Variants in IL6R observed in about 807,000 individuals in gnomAD.
IL6R encodes interleukin 6 receptor.
Under a neutral mutation model 48.3 loss-of-function variants are expected in IL6R, and 38 were observed. The ratio of observed to expected loss-of-function variants is 0.79; its 90% CI spans 0.61 to 1.03. The LOEUF is 1.03. Among genes scored for constraint, IL6R ranks in the 50% least tolerant of loss-of-function variants. IL6R has a pLI of 0.00. For missense variants in IL6R, 534 were observed against 618.3 expected (o/e 0.86, Z 1.45); for synonymous variants, 264 against 256.2 (o/e 1.03, Z -0.29).
At chr1:154,458,593 T>C (rs1256782192) in intron 9 of IL6R, among the ~76,000 whole-genome samples, 1 of 152,028 alleles carries the variant, frequency 6.6e-6, no homozygotes, top group Non-Finnish European at 1.5e-5. Context: ...CTAAAAGAGA[T>C]GGTGCGATAA....
chr1:154,422,114 T>G (rs1396143943), intron 1 of IL6R, among the ~76,000 whole-genome samples: 2 of 151,996 alleles, frequency 1.3e-5, no homozygotes, highest in African/African-American at 2.4e-5. Context: ...GCCCGGCTAA[T>G]TTTGTATTTT....
intron 1 of IL6R, chr1:154,415,158 G>T: frequency 1.2e-6 from 1 of 803,658 alleles, no homozygotes. Context: ...CTGCAGGACA[G>T]GGCCCTAGGT....
At chr1:154,420,008 C>A (rs577738657) in intron 1 of IL6R, among the ~76,000 whole-genome samples, 1 of 151,892 alleles carries the variant, frequency 6.6e-6, no homozygotes, top group Admixed American at 6.6e-5. Flanking sequence ...CCTAGGCCAC[C>A]GGGGCAGGGA....
At chr1:154,448,875 CTTTTTTTTT>C (rs757221328) in intron 7 of IL6R, among the ~76,000 whole-genome samples, 6 of 73,330 alleles carry the variant, frequency 8.2e-5, no homozygotes, top group East Asian at 4.4e-4. Flanking sequence ...CTTGTAAGGG[CTTTTTTTTT>C]TTTTTTTTTT....
At chr1:154,415,200 G>A in intron 1 of IL6R, 1 of 687,062 alleles carries the variant, frequency 1.5e-6, no homozygotes, top group South Asian at 1.5e-5. Context: ...GGCGCCGGCT[G>A]CACTGTTCAC....
At chr1:154,446,925 A>G (rs1171925769) in intron 6 of IL6R, among the ~76,000 whole-genome samples, 2 of 152,164 alleles carry the variant, frequency 1.3e-5, no homozygotes, top group African/African-American at 2.4e-5. Context: ...AAATACATAG[A>G]ATTTTTCTTG....
intron 1 of IL6R, among the ~76,000 whole-genome samples, chr1:154,426,980 G>C (rs1209141589): frequency 6.6e-6 from 1 of 151,124 alleles, no homozygotes; most frequent in Admixed American, 6.6e-5. Context: ...GTGCAGTGGC[G>C]TGATCTCGGC....
chr1:154,454,126 G>A lies in IL6R; in HGVS notation c.1067-362G>A, dbSNP rs142575806. ...CTTCCGTTTGTTGTACCCTCTTTGT[G>A]CCTTGTGGGAGCAGGTGGAATGTCA... On this transcript the variant is annotated intron_variant, in intron 8 of 9. Transcript: ENST00000368485. 12 of 296,486 alleles carry A rather than the reference G, an allele frequency of 4.0e-5. No individual in the cohort carries two copies. In the East Asian group the frequency reaches 6.9e-4, roughly 17 times the overall value. 18.4% of individuals were successfully genotyped at this position (296,486 alleles called of 1,614,324 possible).
rs1404546734 is a variant in IL6R at position 154,465,031 on chromosome 1, C to T, written c.1161-103C>T. On this transcript the variant is annotated intron_variant, in intron 9 of 9. Coordinates refer to ENST00000368485, the MANE Select transcript of IL6R (RefSeq NM_000565.4). ...GCTCCTTTGAGCCGAAACCTGGGCG[C>T]GCCAGGCCACCAGGGCAGCCAGCTG... 44 of 1,411,306 alleles carry T rather than the reference C, an allele frequency of 3.1e-5. No individual in the cohort carries two copies. The Admixed American group carries it at 3.8e-4, about 12-fold the overall frequency. The allele number at this position is 1,411,306 out of a possible 1,614,324, so 87.4% of individuals were successfully genotyped here. A position where few individuals can be genotyped will look rare whatever the true frequency, so the allele number is the denominator to read the frequency against.
chr1:154,435,338 C>T (rs1018602385), intron 5 of IL6R, among the ~76,000 whole-genome samples, 182 bp downstream of exon 5: 13 of 151,900 alleles, frequency 8.6e-5, no homozygotes, highest in Admixed American at 2.0e-4. Context: ...GGTGAAATAC[C>T]GTCTCTACTA....
chr1:154,442,580 G>T (rs993567581), intron 6 of IL6R, among the ~76,000 whole-genome samples: 4 of 152,156 alleles, frequency 2.6e-5, no homozygotes, highest in Non-Finnish European at 2.9e-5. Context: ...CTGGGGCCTG[G>T]CCCCCCGCAC....
chr1:154,418,020 A>G (rs561875716), intron 1 of IL6R, among the ~76,000 whole-genome samples: 1 of 151,858 alleles, frequency 6.6e-6, no homozygotes, highest in East Asian at 1.9e-4. Context: ...GGCGTGAGCC[A>G]CTTCACCCGG....
At chr1:154,424,457 T>G (rs1688859418) in intron 1 of IL6R, among the ~76,000 whole-genome samples, 1 of 152,240 alleles carries the variant, frequency 6.6e-6, no homozygotes. Flanking sequence ...TTCTGATTTC[T>G]GCTAATCAGC....
chr1:154,410,223 G>A (rs1687945069), intron 1 of IL6R, among the ~76,000 whole-genome samples: 1 of 151,972 alleles, frequency 6.6e-6, no homozygotes, highest in Non-Finnish European at 1.5e-5. Flanking sequence ...GAGGGCTGGA[G>A]TGGCAAGGGG....
chr1:154,440,263 T>C (rs1309626228), intron 6 of IL6R, among the ~76,000 whole-genome samples: 1 of 152,208 alleles, frequency 6.6e-6, no homozygotes, highest in Admixed American at 6.5e-5. Flanking sequence ...TGAATAATAT[T>C]CCATTGTGTA....
intron 6 of IL6R, among the ~76,000 whole-genome samples, chr1:154,440,503 T>C (rs1338333262): frequency 6.6e-6 from 1 of 152,218 alleles, no homozygotes; most frequent in Non-Finnish European, 1.5e-5. Context: ...GGCTGCACCA[T>C]TTTACACTTA....
intron 7 of IL6R, 101 bp downstream of exon 7, chr1:154,448,272 C>G: frequency 1.1e-6 from 1 of 884,862 alleles, no homozygotes; most frequent in Non-Finnish European, 1.9e-6. Flanking sequence ...AGTTCTGTCA[C>G]TAGTAGAAAT....
intron 9 of IL6R, among the ~76,000 whole-genome samples, chr1:154,458,570 G>A (rs1419771880): frequency 1.3e-5 from 2 of 152,076 alleles, no homozygotes; most frequent in African/African-American, 2.4e-5. Flanking sequence ...CATTTGACGG[G>A]AGGAAACTGA....
At chr1:154,428,975 G>T (rs979825957) in intron 1 of IL6R, among the ~76,000 whole-genome samples, 2 of 152,170 alleles carry the variant, frequency 1.3e-5, no homozygotes, top group African/African-American at 4.8e-5. Context: ...AGGGAGTGGG[G>T]TGGCTGGATC....
Sources: gnomAD v4.1 joint callset for allele counts (sites outside exome capture counted in the v4.1 genomes callset) on GRCh38, gnomAD v4.1.1 for gene constraint, MANE v1.5 for transcripts, NCBI Gene and HGNC (gene_info 2026-07-23, HGNC 2026-07-21) for gene names.